The following TNFSF8 variants were observed in gnomAD, a reference collection of about 807,000 sequenced individuals.
TNFSF8 encodes tumor necrosis factor ligand superfamily member 8.
A neutral mutation model predicts 22.0 loss-of-function variants in TNFSF8; 4 were observed. That is an observed-to-expected ratio of 0.18 (90% confidence interval 0.09 to 0.42). TNFSF8 has a LOEUF of 0.42. Ranked by LOEUF, TNFSF8 falls within the 10% of genes least tolerant of loss-of-function variation. The pLI is 1.00. For synonymous variants in TNFSF8, 106 were observed against 112.5 expected (o/e 0.94, Z 0.37); for missense variants, 233 against 281.8 (o/e 0.83, Z 1.24).
intron 1 of TNFSF8, among the ~76,000 whole-genome samples, chr9:114,927,000 T>C (rs946584893): frequency 1.6e-5 from 2 of 128,526 alleles, no homozygotes; most frequent in Non-Finnish European, 3.1e-5. Context: ...TAATATAAAA[T>C]GTTTATTTTA....
Position 114,930,531 on chromosome 9 carries a change from T to G in TNFSF8, c.-228A>C. ...TTTTTCATTGCCAGGGATTAAGTTG[T>G]GTGCAGAGAAACTAGCTACAGAGAA... On this transcript the variant is annotated 5_prime_UTR_variant, in exon 1 of 4. Transcript: ENST00000223795. The G allele has an allele frequency of 2.5e-6, 1 of 407,284 alleles. No homozygotes were observed. The highest frequency in any genetic ancestry group is 4.4e-6 in the Non-Finnish European group (1 of 228,718). 25.2% of individuals were successfully genotyped at this position (407,284 alleles called of 1,614,324 possible).
chr9:114,916,923 CA>C (rs1212570973), intron 2 of TNFSF8, among the ~76,000 whole-genome samples: 2 of 152,198 alleles, frequency 1.3e-5, no homozygotes, highest in African/African-American at 4.8e-5. Flanking sequence ...TTTACATAGA[CA>C]TGGTAGGAAC....
intron 1 of TNFSF8, among the ~76,000 whole-genome samples, chr9:114,918,894 C>T (rs763320920): frequency 6.6e-5 from 10 of 152,198 alleles, no homozygotes; most frequent in Non-Finnish European, 8.8e-5. Context: ...CTATCACACT[C>T]GGCTAGAGCC....
intron 1 of TNFSF8, among the ~76,000 whole-genome samples, chr9:114,920,995 G>A (rs1827981246): frequency 6.6e-6 from 1 of 152,122 alleles, no homozygotes; most frequent in Non-Finnish European, 1.5e-5. Context: ...GGCAGCTTTC[G>A]AGTAATACTG....
chr9:114,894,254 A>G, intron 4 of TNFSF8: 1 of 1,100,644 alleles, frequency 9.1e-7, no homozygotes, highest in Non-Finnish European at 1.3e-6. Context: ...CCCACAGTTT[A>G]GCAGGGAGGC....
intron 2 of TNFSF8, among the ~76,000 whole-genome samples, chr9:114,909,921 A>T (rs1225743755): frequency 1.3e-5 from 2 of 152,204 alleles, no homozygotes; most frequent in Non-Finnish European, 2.9e-5. Context: ...GTGAACACAT[A>T]ACCCATGTGC....
intron 1 of TNFSF8, among the ~76,000 whole-genome samples, chr9:114,919,450 C>T (rs749266196): frequency 6.6e-6 from 1 of 152,116 alleles, no homozygotes; most frequent in Non-Finnish European, 1.5e-5. Flanking sequence ...AGCAGAGAGG[C>T]ACAGTTCTTT....
intron 2 of TNFSF8, among the ~76,000 whole-genome samples, chr9:114,910,882 T>G (rs1827844682): frequency 6.6e-6 from 1 of 152,116 alleles, no homozygotes; most frequent in Admixed American, 6.5e-5. Context: ...GCACCTGAAT[T>G]CTGGTCATAG....
chr9:114,905,737 G>T, intron 3 of TNFSF8, 91 bp downstream of exon 3: 1 of 989,944 alleles, frequency 1.0e-6, no homozygotes, highest in South Asian at 1.3e-5. Context: ...TTTGGCCATG[G>T]GACTCTAATT....
chr9:114,930,401 T>A lies in TNFSF8; in HGVS notation c.-98A>T, dbSNP rs1828126713. On this transcript the variant is annotated 5_prime_UTR_variant, in exon 1 of 4. Transcript: ENST00000223795. ...CAAGAAGGATTCTCCCCCTGAATCC[T>A]GAATCATGTGACTTGGAAAAAAACC... 9.7e-7 allele frequency: 1 copy of A among 1,034,826 alleles called. No individual in the cohort carries two copies. The highest frequency in any genetic ancestry group is 1.3e-6 in the Non-Finnish European group (1 of 773,152). The allele number at this position is 1,034,826 out of a possible 1,614,324, so 64.1% of individuals were successfully genotyped here. A position where few individuals can be genotyped will look rare whatever the true frequency, so the allele number is the denominator to read the frequency against.
intron 4 of TNFSF8, chr9:114,894,295 T>C (rs1827636060): frequency 2.7e-6 from 2 of 738,808 alleles, no homozygotes; most frequent in Non-Finnish European, 2.3e-6. Context: ...ATAGTGAGTG[T>C]AGTAAATTTT....
At chr9:114,907,037 C>CG (rs1827794130) in intron 2 of TNFSF8, among the ~76,000 whole-genome samples, 1 of 152,184 alleles carries the variant, frequency 6.6e-6, no homozygotes, top group Admixed American at 6.5e-5. Flanking sequence ...ACTGCATTGC[C>CG]GAGTAGTACC....
At chr9:114,904,441 C>A in intron 3 of TNFSF8, 116 bp from the exon 4 acceptor site, 1 of 1,398,716 alleles carries the variant, frequency 7.1e-7, no homozygotes. Flanking sequence ...TGTAATGTTC[C>A]AATCATCTGA....
chr9:114,902,698 T>A lies in TNFSF8; in HGVS notation c.*1233A>T. The A allele has an allele frequency of 2.0e-6, 2 of 985,434 alleles. No homozygotes were observed. Among genetic ancestry groups the A allele is most frequent in the Non-Finnish European group, 2.4e-6 (2 of 829,942 alleles). The allele number at this position is 985,434 out of a possible 1,614,324, so 61.0% of individuals were successfully genotyped here. A position where few individuals can be genotyped will look rare whatever the true frequency, so the allele number is the denominator to read the frequency against. ...ATACTGGGGTAGGGGGGCCTTATTTTGGTTGGAGAGCTTCCAAAATTGTGT... is the reference window on the plus strand; with the variant it reads ...ATACTGGGGTAGGGGGGCCTTATTTAGGTTGGAGAGCTTCCAAAATTGTGT... On this transcript the variant is annotated 3_prime_UTR_variant, in exon 4 of 4. Coordinates refer to ENST00000223795, the MANE Select transcript of TNFSF8 (RefSeq NM_001244.4).
At position 114,901,319 on chromosome 9, in the gene TNFSF8, T is replaced by C. The variant is rs1827713736; in HGVS notation, c.*2612A>G. The C allele has an allele frequency of 4.1e-6, 4 of 985,320 alleles. No homozygotes were observed. The highest frequency in any genetic ancestry group is 4.8e-6 in the Non-Finnish European group (4 of 829,938). The allele number at this position is 985,320 out of a possible 1,614,324, so 61.0% of individuals were successfully genotyped here. A position where few individuals can be genotyped will look rare whatever the true frequency, so the allele number is the denominator to read the frequency against. On this transcript the variant is annotated 3_prime_UTR_variant, in exon 4 of 4. Coordinates refer to ENST00000223795, the MANE Select transcript of TNFSF8 (RefSeq NM_001244.4). ...ATCTATCAGTTGAGTTATTAATGAT[T>C]ATTCTCTTTTTTTGTTTGTTTGGTT...
intron 1 of TNFSF8, among the ~76,000 whole-genome samples, chr9:114,927,352 C>T: frequency 6.6e-6 from 1 of 152,068 alleles, no homozygotes; most frequent in East Asian, 1.9e-4. Flanking sequence ...CTTTGTCTCT[C>T]CCAAGGAGTT....
chr9:114,923,009 G>A (rs918043057), intron 1 of TNFSF8, among the ~76,000 whole-genome samples: 3 of 152,104 alleles, frequency 2.0e-5, no homozygotes, highest in African/African-American at 4.8e-5. Context: ...AGAGATGGCT[G>A]TAGGAGGCTG....
At position 114,902,361 on chromosome 9, in the gene TNFSF8, T is replaced by A. The variant is rs1827728336; in HGVS notation, c.*1570A>T. Reference sequence around the variant, plus strand: ...TGCAGGGGATGGAGCAGCCATTCCCTGGCTAGATGACCACATCACTGTTGC... The same window carrying A: ...TGCAGGGGATGGAGCAGCCATTCCCAGGCTAGATGACCACATCACTGTTGC... On this transcript the variant is annotated 3_prime_UTR_variant, in exon 4 of 4. Coordinates refer to ENST00000223795, the MANE Select transcript of TNFSF8 (RefSeq NM_001244.4). The A allele has an allele frequency of 1.0e-6, 1 of 985,328 alleles. No individual in the cohort carries two copies. The highest frequency in any genetic ancestry group is 1.7e-5 in the African/African-American group (1 of 57,250). The allele number at this position is 985,328 out of a possible 1,614,324, so 61.0% of individuals were successfully genotyped here.
Position 114,902,577 on chromosome 9 carries a change from G to A in TNFSF8, c.*1354C>T. The A allele has an allele frequency of 2.0e-6, 2 of 985,418 alleles. No homozygotes were observed. The highest frequency in any genetic ancestry group is 2.4e-6 in the Non-Finnish European group (2 of 829,930). 61.0% of individuals were successfully genotyped at this position (985,418 alleles called of 1,614,324 possible). On this transcript the variant is annotated 3_prime_UTR_variant, in exon 4 of 4. Coordinates refer to ENST00000223795, the MANE Select transcript of TNFSF8 (RefSeq NM_001244.4). ...TCCATTACATCCTTGAGATCCTGCT[G>A]TTCACACCATTCAGCAGGGCACCCT...
Sources: allele counts gnomAD v4.1 joint callset (sites outside exome capture counted in the v4.1 genomes callset), GRCh38; gene constraint gnomAD v4.1.1; transcripts MANE v1.5; gene names NCBI Gene and HGNC (gene_info 2026-07-23, HGNC 2026-07-21).